PTPRM: variants seen among roughly 807,000 people sequenced by gnomAD.
PTPRM encodes the protein receptor-type tyrosine-protein phosphatase mu.
Under a neutral mutation model 186.7 loss-of-function variants are expected in PTPRM, and 47 were observed. That is an observed-to-expected ratio of 0.25 (90% confidence interval 0.20 to 0.32). PTPRM has a LOEUF of 0.32. Among genes scored for constraint, PTPRM ranks in the 10% least tolerant of loss-of-function variants. The pLI, the probability that PTPRM is intolerant of heterozygous loss-of-function variation, is 1.00. For missense variants in PTPRM, 1,494 were observed against 1,865.0 expected, an observed-to-expected ratio of 0.80 and a Z score of 3.66; for synonymous variants, 668 against 674.9, an observed-to-expected ratio of 0.99 and a Z score of 0.16.
chr18:8,158,805 G>A (rs992948160), intron 14 of PTPRM, among the ~76,000 whole-genome samples: 12 of 152,274 alleles, frequency 7.9e-5, no homozygotes, highest in African/African-American at 1.4e-4. Context: ...GCAGGAGCAC[G>A]AGAGCGAGCG....
At chr18:7,966,842 CTG>C (rs1302685607) in intron 7 of PTPRM, among the ~76,000 whole-genome samples, 2 of 129,116 alleles carry the variant, frequency 1.5e-5, no homozygotes, top group Admixed American at 7.9e-5. Flanking sequence ...GCACAGCAGT[CTG>C]AGATCAAACC....
At chr18:7,983,563 G>C (rs917629644) in intron 7 of PTPRM, among the ~76,000 whole-genome samples, 4 of 152,070 alleles carry the variant, frequency 2.6e-5, no homozygotes, top group African/African-American at 9.7e-5. Flanking sequence ...TCATCATTCT[G>C]TGTAAGACCT....
At chr18:8,394,444 C>T (rs769837471) in intron 31 of PTPRM, 32 bp from the exon 32 acceptor site, 11 of 1,590,080 alleles carry the variant, frequency 6.9e-6, no homozygotes, top group Non-Finnish European at 8.6e-6. Context: ...AAAGACAGAC[C>T]GAGTGCAGTC....
intron 14 of PTPRM, among the ~76,000 whole-genome samples, chr18:8,173,940 G>A (rs1021400402): frequency 5.9e-5 from 9 of 151,928 alleles, no homozygotes; most frequent in Admixed American, 2.0e-4. Flanking sequence ...TGGTGGTGTC[G>A]CCCATAATCC....
chr18:8,130,856 G>A (rs1320009173), intron 13 of PTPRM, among the ~76,000 whole-genome samples: 1 of 152,192 alleles, frequency 6.6e-6, no homozygotes, highest in Admixed American at 6.5e-5. Context: ...GAAATCTCTT[G>A]ATCTCTCAAC....
chr18:7,832,996 G>C (rs1458739593), intron 2 of PTPRM, among the ~76,000 whole-genome samples: 1 of 152,106 alleles, frequency 6.6e-6, no homozygotes, highest in Admixed American at 6.6e-5. Flanking sequence ...TTTTATGCCA[G>C]TACCATGTTC....
At chr18:8,032,547 C>A (rs1481591172) in intron 7 of PTPRM, among the ~76,000 whole-genome samples, 2 of 151,934 alleles carry the variant, frequency 1.3e-5, no homozygotes, top group Admixed American at 6.6e-5. Flanking sequence ...CAAGAGTAAT[C>A]TACAAATTTA....
intron 1 of PTPRM, among the ~76,000 whole-genome samples, chr18:7,629,597 TG>T (rs925620720): frequency 1.3e-5 from 2 of 152,180 alleles, no homozygotes; most frequent in African/African-American, 4.8e-5. Context: ...GTCAGCTTTG[TG>T]GTTGTACTCA....
At chr18:7,865,564 A>C (rs1478093550) in intron 2 of PTPRM, among the ~76,000 whole-genome samples, 4 of 152,212 alleles carry the variant, frequency 2.6e-5, no homozygotes, top group East Asian at 1.9e-4. Flanking sequence ...AAGCTTTTTG[A>C]TGTGCTGCTG....
chr18:8,126,801 G>T (rs2092376891), intron 13 of PTPRM, among the ~76,000 whole-genome samples: 1 of 152,140 alleles, frequency 6.6e-6, no homozygotes, highest in Admixed American at 6.6e-5. Flanking sequence ...CATTAGCTTA[G>T]TTAGTAGCAG....
At chr18:7,714,117 G>T (rs1459796400) in intron 1 of PTPRM, among the ~76,000 whole-genome samples, 1 of 152,018 alleles carries the variant, frequency 6.6e-6, no homozygotes, top group East Asian at 1.9e-4. Flanking sequence ...TCACATAATT[G>T]GAAGTAAAAC....
chr18:7,899,542 C>A (rs1050448173), intron 3 of PTPRM, among the ~76,000 whole-genome samples: 1 of 152,062 alleles, frequency 6.6e-6, no homozygotes, highest in Non-Finnish European at 1.5e-5. Context: ...TTCTGTCAGA[C>A]CCACAACTTT....
intron 6 of PTPRM, among the ~76,000 whole-genome samples, chr18:7,950,198 C>T (rs1429729377): frequency 6.7e-6 from 1 of 149,306 alleles, no homozygotes; most frequent in African/African-American, 2.4e-5. Flanking sequence ...AGTTCCAGAC[C>T]AGCCTGGGCA....
intron 6 of PTPRM, among the ~76,000 whole-genome samples, chr18:7,949,832 T>C (rs1473722831): frequency 1.3e-5 from 2 of 152,212 alleles, no homozygotes; most frequent in East Asian, 3.8e-4. Flanking sequence ...TAGGTTCTAT[T>C]ACTATATTTT....
intron 1 of PTPRM, among the ~76,000 whole-genome samples, chr18:7,669,663 G>A (rs559023126): frequency 7.6e-4 from 115 of 152,280 alleles, no homozygotes; most frequent in Middle Eastern, 3.4e-3. Context: ...TAGCTTTGCC[G>A]TTCCCTCCCC....
chr18:7,758,201 A>G (rs1442873197), intron 1 of PTPRM, among the ~76,000 whole-genome samples: 2 of 152,204 alleles, frequency 1.3e-5, no homozygotes, highest in East Asian at 3.9e-4. Context: ...TAAAATTTGC[A>G]CAGATACGCA....
chr18:7,966,811 A>G (rs552339411), intron 7 of PTPRM, among the ~76,000 whole-genome samples: 1 of 132,106 alleles, frequency 7.6e-6, no homozygotes, highest in South Asian at 2.5e-4. Flanking sequence ...TCCTACGCCC[A>G]CGGAGTCTCG....
At chr18:8,130,490 T>C (rs1308573341) in intron 13 of PTPRM, among the ~76,000 whole-genome samples, 1 of 152,218 alleles carries the variant, frequency 6.6e-6, no homozygotes, top group Non-Finnish European at 1.5e-5. Context: ...TTGCATGCTT[T>C]ATTAGAAAGA....
At chr18:7,604,657 A>G (rs1567978272) in intron 1 of PTPRM, among the ~76,000 whole-genome samples, 1 of 152,234 alleles carries the variant, frequency 6.6e-6, no homozygotes, top group Non-Finnish European at 1.5e-5. Context: ...TTTAAATTTT[A>G]TTTTGACATT....
Sources: allele counts gnomAD v4.1 joint callset (sites outside exome capture counted in the v4.1 genomes callset), GRCh38; gene constraint gnomAD v4.1.1; transcripts MANE v1.5; gene names NCBI Gene and HGNC (gene_info 2026-07-23, HGNC 2026-07-21).